HS6ST3: variants seen among roughly 807,000 people sequenced by gnomAD.
The protein encoded by HS6ST3 is heparan-sulfate 6-O-sulfotransferase 3.
HS6ST3 carries 12 observed loss-of-function variants against 36.7 expected under a neutral mutation model. The observed-to-expected ratio is 0.33, with a 90% confidence interval of 0.21 to 0.53. The LOEUF (loss-of-function observed/expected upper bound fraction) is 0.53, where lower values mean the gene tolerates loss of function less well. Among genes scored for constraint, HS6ST3 ranks in the 20% least tolerant of loss-of-function variants. HS6ST3 has a pLI of 0.95. For synonymous variants in HS6ST3, 240 were observed against 257.5 expected, an observed-to-expected ratio of 0.93 and a Z score of 0.65; for missense variants, 584 against 640.9, an observed-to-expected ratio of 0.91 and a Z score of 0.96.
chr13:96,673,222 A>G (rs1223500945), intron 1 of HS6ST3, among the ~76,000 whole-genome samples: 1 of 152,108 alleles, frequency 6.6e-6, no homozygotes, highest in Non-Finnish European at 1.5e-5. Flanking sequence ...TCTCATAAGG[A>G]GGCTTATGAT....
At chr13:96,204,668 T>C (rs1008473601) in intron 1 of HS6ST3, among the ~76,000 whole-genome samples, 3 of 152,094 alleles carry the variant, frequency 2.0e-5, no homozygotes, top group African/African-American at 7.2e-5. Flanking sequence ...GCAATGAAAT[T>C]AGAACTCAAG....
At chr13:96,482,538 T>C (rs1034897641) in intron 1 of HS6ST3, among the ~76,000 whole-genome samples, 8 of 152,006 alleles carry the variant, frequency 5.3e-5, no homozygotes, top group Non-Finnish European at 1.2e-4. Context: ...TGGTCTCCTC[T>C]GCAGTGTTGT....
At chr13:96,548,484 G>A (rs757512654) in intron 1 of HS6ST3, among the ~76,000 whole-genome samples, 8 of 151,954 alleles carry the variant, frequency 5.3e-5, no homozygotes, top group Non-Finnish European at 7.4e-5. Flanking sequence ...ATACTATTTC[G>A]TCTTCATTAT....
chr13:96,566,110 G>GA (rs36091104), intron 1 of HS6ST3, among the ~76,000 whole-genome samples: 2,681 of 144,502 alleles, frequency 0.019, 70 homozygotes, highest in African/African-American at 0.064. Context: ...TATGCTACTT[G>GA]AAAAAAAAAA....
chr13:96,534,934 T>C (rs1594801672), intron 1 of HS6ST3, among the ~76,000 whole-genome samples: 2 of 152,096 alleles, frequency 1.3e-5, no homozygotes, highest in East Asian at 3.9e-4. Context: ...CACTCCAGCC[T>C]GGGTGACAGA....
chr13:96,383,320 G>T (rs2055351046), intron 1 of HS6ST3, among the ~76,000 whole-genome samples: 1 of 151,888 alleles, frequency 6.6e-6, no homozygotes, highest in Non-Finnish European at 1.5e-5. Flanking sequence ...TGGGCGTGGT[G>T]GCATGCTCCT....
chr13:96,731,053 C>T (rs1876138834), intron 1 of HS6ST3, among the ~76,000 whole-genome samples: 1 of 152,190 alleles, frequency 6.6e-6, no homozygotes, highest in South Asian at 2.1e-4. Context: ...AGTCAGTTAA[C>T]ATAAACATTA....
rs140775533 is a variant in HS6ST3, at chr13:96,697,483, T to G, written c.708-135007T>G. On this transcript the variant is annotated intron_variant, in intron 1 of 1. Coordinates refer to ENST00000376705, the MANE Select transcript of HS6ST3 (RefSeq NM_153456.4). ...TTAGAACTGAAGAGGACAAGATCTT[T>G]CCAATTAAAAATTTCTATGAAGTGC... Among the ~76,000 whole-genome samples, 20 of 152,140 alleles carry G rather than the reference T, an allele frequency of 1.3e-4. No individual in the cohort carries two copies. In the East Asian group the frequency reaches 3.9e-3, roughly 29 times the overall value.
intron 1 of HS6ST3, among the ~76,000 whole-genome samples, chr13:96,461,683 C>T (rs2055785045): frequency 6.6e-6 from 1 of 152,206 alleles, no homozygotes; most frequent in Non-Finnish European, 1.5e-5. Context: ...GGCTTTCACC[C>T]TGAGGTTTTC....
intron 1 of HS6ST3, among the ~76,000 whole-genome samples, chr13:96,623,714 C>T (rs979964891): frequency 1.3e-5 from 2 of 152,146 alleles, no homozygotes; most frequent in Non-Finnish European, 2.9e-5. Flanking sequence ...TCGGAGCCCA[C>T]CTCACTTGTT....
chr13:96,496,233 G>A (rs2055974971), intron 1 of HS6ST3, among the ~76,000 whole-genome samples: 1 of 152,054 alleles, frequency 6.6e-6, no homozygotes, highest in South Asian at 2.1e-4. Flanking sequence ...TTATTGAATT[G>A]GGCATTCTTC....
intron 1 of HS6ST3, among the ~76,000 whole-genome samples, chr13:96,779,189 G>A (rs918809895): frequency 1.3e-5 from 2 of 152,022 alleles, no homozygotes; most frequent in African/African-American, 4.8e-5. Context: ...GGCTAGGGGA[G>A]GGATAGAATT....
chr13:96,439,507 G>C (rs910701638), intron 1 of HS6ST3, among the ~76,000 whole-genome samples: 45 of 152,276 alleles, frequency 3.0e-4, no homozygotes, highest in African/African-American at 1.1e-3. Context: ...TAGAGGGTGA[G>C]AATACAGATT....
intron 1 of HS6ST3, among the ~76,000 whole-genome samples, chr13:96,203,770 A>C (rs775321188): frequency 1.3e-5 from 2 of 152,194 alleles, no homozygotes; most frequent in Non-Finnish European, 2.9e-5. Flanking sequence ...AGGGGGTTCA[A>C]AGTGGGTTCA....
intron 1 of HS6ST3, among the ~76,000 whole-genome samples, chr13:96,178,278 G>C (rs2054222003): frequency 6.6e-6 from 1 of 152,116 alleles, no homozygotes; most frequent in African/African-American, 2.4e-5. Context: ...AACTAGTTTG[G>C]GTTAAAATTG....
intron 1 of HS6ST3, among the ~76,000 whole-genome samples, chr13:96,252,189 A>G (rs2054610974): frequency 6.6e-6 from 1 of 152,166 alleles, no homozygotes; most frequent in African/African-American, 2.4e-5. Context: ...TCTGCTTTAT[A>G]ATATTTAAGT....
At chr13:96,681,611 G>A (rs955898470) in intron 1 of HS6ST3, among the ~76,000 whole-genome samples, 5 of 152,024 alleles carry the variant, frequency 3.3e-5, no homozygotes, top group African/African-American at 7.2e-5. Flanking sequence ...CTTAGCAACA[G>A]ATTATTTCTT....
chr13:96,109,755 C>G (rs2053859020), intron 1 of HS6ST3, among the ~76,000 whole-genome samples: 1 of 152,098 alleles, frequency 6.6e-6, no homozygotes, highest in South Asian at 2.1e-4. Flanking sequence ...AGATGGTGAG[C>G]TATGCACCTC....
intron 1 of HS6ST3, among the ~76,000 whole-genome samples, chr13:96,196,256 T>A (rs946415539): frequency 6.6e-6 from 1 of 152,194 alleles, no homozygotes; most frequent in Non-Finnish European, 1.5e-5. Flanking sequence ...TCTATCTTCT[T>A]ATCTGGTCTC....
Sources: gnomAD v4.1 joint callset for allele counts (sites outside exome capture counted in the v4.1 genomes callset) on GRCh38, gnomAD v4.1.1 for gene constraint, MANE v1.5 for transcripts, NCBI Gene and HGNC (gene_info 2026-07-23, HGNC 2026-07-21) for gene names.